The following COL4A3 variants were observed in gnomAD, a reference collection of about 807,000 sequenced individuals.
COL4A3 encodes the protein collagen alpha-3(IV) chain.
COL4A3 carries 135 observed loss-of-function variants against 217.4 expected under a neutral mutation model. The ratio of observed to expected loss-of-function variants is 0.62; its 90% CI spans 0.54 to 0.72. The LOEUF is 0.72. Among genes scored for constraint, COL4A3 ranks in the 30% least tolerant of loss-of-function variants. COL4A3 has a pLI of 0.00. For missense variants in COL4A3, 1,868 were observed against 2,119.9 expected, an observed-to-expected ratio of 0.88 and a Z score of 2.33; for synonymous variants, 690 against 736.3, an observed-to-expected ratio of 0.94 and a Z score of 1.02.
intron 34 of COL4A3, among the ~76,000 whole-genome samples, chr2:227,286,957 G>T (rs936414083): frequency 6.6e-6 from 1 of 152,170 alleles, no homozygotes. Flanking sequence ...TTATACAGAG[G>T]TGAACAAAGC....
chr2:227,244,228 G>C (rs2069185581), intron 3 of COL4A3, 92 bp from the exon 4 acceptor site: 2 of 982,380 alleles, frequency 2.0e-6, no homozygotes, highest in East Asian at 4.8e-5. Flanking sequence ...AAAACAGCTT[G>C]GCATGTGACT....
At chr2:227,266,341 T>C (rs1217347735) in intron 21 of COL4A3, 76 bp from the exon 22 acceptor site, 3 of 1,084,436 alleles carry the variant, frequency 2.8e-6, no homozygotes, top group Admixed American at 3.8e-5. Context: ...GCATTTTAAA[T>C]AATACATATA....
rs2106304583 is a variant in COL4A3, at chr2:227,314,324, CT to C, written c.*2456del. The C allele has an allele frequency of 6.5e-6, 1 of 152,758 alleles. No individual in the cohort carries two copies. The highest frequency in any genetic ancestry group is 1.5e-5 in the Non-Finnish European group (1 of 68,026). 9.5% of individuals were successfully genotyped at this position (152,758 alleles called of 1,614,324 possible). ...GTTCAGTTGCACTTCTAAGACTTTA[CT>C]TAGCAGTAAATTATAGCTCATGTGC... On this transcript the variant is annotated 3_prime_UTR_variant, in exon 52 of 52. Coordinates refer to ENST00000396578, the MANE Select transcript of COL4A3 (RefSeq NM_000091.5).
intron 1 of COL4A3, among the ~76,000 whole-genome samples, chr2:227,171,264 C>T (rs2065463747): frequency 6.6e-6 from 1 of 152,176 alleles, no homozygotes; most frequent in African/African-American, 2.4e-5. Context: ...CATCTAAATA[C>T]TTATTCCAAG....
intron 1 of COL4A3, among the ~76,000 whole-genome samples, chr2:227,220,497 G>C (rs777566602): frequency 6.8e-6 from 1 of 147,404 alleles, no homozygotes; most frequent in African/African-American, 2.5e-5. Context: ...ACAGAGTCTT[G>C]CTCCACTGCA....
At position 227,164,747 on chromosome 2, in the gene COL4A3, C is replaced by T. The variant is rs530353117; in HGVS notation, c.21C>T (p.Pro7=). 4 of 1,527,368 alleles carry T rather than the reference C, an allele frequency of 2.6e-6. No homozygotes were observed. The highest frequency in any genetic ancestry group is 2.6e-6 in the Non-Finnish European group (3 of 1,144,090). The allele number at this position is 1,527,368 out of a possible 1,614,324, so 94.6% of individuals were successfully genotyped here. A position where few individuals can be genotyped will look rare whatever the true frequency, so the allele number is the denominator to read the frequency against. Reference sequence around the variant, plus strand: ...CCACCATGAGCGCCCGGACCGCCCCCAGGCCGCAGGTGCTCCTGCTGCCGC... The same window carrying T: ...CCACCATGAGCGCCCGGACCGCCCCTAGGCCGCAGGTGCTCCTGCTGCCGC... MSARTA[P]RPQVLLLPLL... The change falls in exon 1 of 52, where the codon CCC becomes CCT. Residue 7 remains proline, a synonymous_variant. Transcript: ENST00000396578. The surrounding 1 kb of genome is among the most constrained non-coding windows in gnomAD (Gnocchi z 4.8).
At chr2:227,179,482 C>T (rs2065801251) in intron 1 of COL4A3, among the ~76,000 whole-genome samples, 1 of 152,208 alleles carries the variant, frequency 6.6e-6, no homozygotes, top group African/African-American at 2.4e-5. Flanking sequence ...TTCCCTTACT[C>T]AACTCCTTGA....
At chr2:227,217,137 CAGACAAGAG>C (rs2067555565) in intron 1 of COL4A3, among the ~76,000 whole-genome samples, 1 of 152,170 alleles carries the variant, frequency 6.6e-6, no homozygotes, top group Admixed American at 6.5e-5. Flanking sequence ...TACATGGTGG[CAGACAAGAG>C]AGAATGAGGA....
At chr2:227,166,344 A>T (rs1264343914) in intron 1 of COL4A3, among the ~76,000 whole-genome samples, 2 of 152,218 alleles carry the variant, frequency 1.3e-5, no homozygotes, top group Non-Finnish European at 2.9e-5. Context: ...TTTAACCAGG[A>T]CAAATAAATC....
chr2:227,236,320 G>A (rs1033818417), intron 1 of COL4A3, among the ~76,000 whole-genome samples: 1 of 152,210 alleles, frequency 6.6e-6, no homozygotes, highest in African/African-American at 2.4e-5. Flanking sequence ...AGTGTCAAAT[G>A]ATGAATGCCT....
chr2:227,235,898 C>T (rs917127865), intron 1 of COL4A3, among the ~76,000 whole-genome samples: 4 of 151,572 alleles, frequency 2.6e-5, no homozygotes, highest in South Asian at 2.1e-4. Flanking sequence ...CTCAGCTTCC[C>T]GAGTAGCTGA....
Position 227,307,732 on chromosome 2 carries a change from G to A in COL4A3, c.4275G>A (p.Leu1425=). 6.2e-7 allele frequency: 1 copy of A among 1,614,122 alleles called. No individual in the cohort carries two copies. The highest frequency in any genetic ancestry group is 8.5e-7 in the Non-Finnish European group (1 of 1,179,998). The change falls in exon 48 of 52, where the codon TTG becomes TTA. Residue 1425 remains leucine (L), a synonymous_variant. Transcript: ENST00000396578. ...GEPGPAGSDG[L]PGLKGKRGDS... ...AAGGACCAGCTGGATCAGATGGATT[G>A]CCAGGTTTGAAAGGAAAACGTGGAG...
intron 18 of COL4A3, among the ~76,000 whole-genome samples, chr2:227,258,199 C>G (rs1216231309): frequency 1.3e-5 from 2 of 152,210 alleles, no homozygotes; most frequent in East Asian, 3.9e-4. Context: ...GGTGTCCATT[C>G]ATCTCCTACC....
chr2:227,183,678 C>T (rs1452897837), intron 1 of COL4A3, among the ~76,000 whole-genome samples: 1 of 152,166 alleles, frequency 6.6e-6, no homozygotes, highest in Non-Finnish European at 1.5e-5. Flanking sequence ...AACAGAGTGA[C>T]ATGGATATCT....
intron 20 of COL4A3, among the ~76,000 whole-genome samples, chr2:227,261,524 C>CAAAAT: frequency 1.3e-5 from 2 of 152,180 alleles, no homozygotes; most frequent in Admixed American, 1.3e-4. Flanking sequence ...GACTCTATCT[C>CAAAAT]AAAATAAAAT....
Position 227,297,713 on chromosome 2 carries a change from TC to T in COL4A3, c.3608del (p.Pro1203ArgfsTer18). On this transcript the variant is annotated frameshift_variant, in exon 42 of 52. Coordinates refer to ENST00000396578, the MANE Select transcript of COL4A3 (RefSeq NM_000091.5). LOFTEE classifies it high-confidence loss of function. ...AGGGGAGCCCCAGGTTTTCCTGGCCTCCCGGGCAGAAAAGGGGCCATGGGAG... is the reference window on the plus strand; with the variant it reads ...AGGGGAGCCCCAGGTTTTCCTGGCCTCCGGGCAGAAAAGGGGCCATGGGAG... ...GDRGAPGFPGLPGRKGAMGDA... is the reference protein window; with the variant it reads ...GDRGAPGFPGXPGRKGAMGDA... 1.2e-6 allele frequency: 2 copies of T among 1,608,872 alleles called. No individual in the cohort carries two copies. Among genetic ancestry groups the T allele is most frequent in the Non-Finnish European group, 1.7e-6 (2 of 1,178,252 alleles).
chr2:227,199,843 CA>C lies in COL4A3; in HGVS notation c.87+35033del, dbSNP rs1243703617. ...ATATAAAAATGTAAAAACAAACAAA[CA>C]AACAAAAAACTAGTCCGAAGGATGG... On this transcript the variant is annotated intron_variant, in intron 1 of 51. Coordinates refer to ENST00000396578, the MANE Select transcript of COL4A3 (RefSeq NM_000091.5). Among the ~76,000 whole-genome samples, 3 of 152,172 alleles carry C rather than the reference CA, an allele frequency of 2.0e-5. No homozygotes were observed. The South Asian group carries it at 6.2e-4, about 32-fold the overall frequency.
chr2:227,306,896 G>C (rs2073526995), intron 47 of COL4A3, among the ~76,000 whole-genome samples: 1 of 152,088 alleles, frequency 6.6e-6, no homozygotes, highest in Non-Finnish European at 1.5e-5. Flanking sequence ...TACAGTGGCA[G>C]CAGAAATGGA....
chr2:227,195,667 A>ATATATGTGTGTGTGTG (rs1226857286), intron 1 of COL4A3, among the ~76,000 whole-genome samples: 3 of 139,892 alleles, frequency 2.1e-5, no homozygotes, highest in African/African-American at 8.2e-5. Context: ...ATATATATAT[A>ATATATGTGTGTGTGTG]TGTGTGTGTG....
Sources: allele counts gnomAD v4.1 joint callset (sites outside exome capture counted in the v4.1 genomes callset), GRCh38; gene constraint gnomAD v4.1.1; non-coding constraint Gnocchi (gnomAD v3.1); transcripts MANE v1.5; gene names NCBI Gene and HGNC (gene_info 2026-07-23, HGNC 2026-07-21).